MAGI2: variants seen among roughly 807,000 people sequenced by gnomAD.
The protein encoded by MAGI2 is membrane-associated guanylate kinase, WW and PDZ domain-containing protein 2.
A neutral mutation model predicts 133.3 loss-of-function variants in MAGI2; 35 were observed. The observed-to-expected ratio is 0.26, with a 90% CI of 0.20 to 0.35. The LOEUF (loss-of-function observed/expected upper bound fraction) is 0.35. MAGI2 is among the 10% of genes least tolerant of loss of function. MAGI2 has a pLI of 1.00. For missense variants in MAGI2, 1,636 were observed against 1,863.4 expected (o/e 0.88, Z 2.25); for synonymous variants, 729 against 710.6 (o/e 1.03, Z -0.41).
intron 2 of MAGI2, among the ~76,000 whole-genome samples, chr7:78,830,552 A>C (rs1327936964): frequency 6.6e-6 from 1 of 152,250 alleles, no homozygotes; most frequent in Non-Finnish European, 1.5e-5. Flanking sequence ...AACTAGAAAC[A>C]CAATTTAATT....
intron 9 of MAGI2, among the ~76,000 whole-genome samples, chr7:78,267,601 TTGTCTTGGCTTCAC>T (rs1562715611): frequency 6.6e-6 from 1 of 152,104 alleles, no homozygotes; most frequent in East Asian, 1.9e-4. Context: ...AGAACAAAAT[TTGTCTTGGCTTCAC>T]TGAAATTTTG....
intron 2 of MAGI2, among the ~76,000 whole-genome samples, chr7:78,787,709 G>A (rs1194374716): frequency 1.3e-5 from 2 of 152,098 alleles, no homozygotes; most frequent in Non-Finnish European, 2.9e-5. Flanking sequence ...CTTTGTGTAA[G>A]CATAAAAACA....
chr7:78,610,047 G>T (rs182505460), intron 3 of MAGI2, among the ~76,000 whole-genome samples: 131 of 152,274 alleles, frequency 8.6e-4, no homozygotes, highest in Non-Finnish European at 1.6e-3. Context: ...TGGATCACTA[G>T]GGGTGATGGT....
At chr7:79,294,714 T>G (rs77903894) in intron 1 of MAGI2, among the ~76,000 whole-genome samples, 7,839 of 144,002 alleles carry the variant, frequency 0.054, 450 homozygotes, top group African/African-American at 0.14. Context: ...AGATTATATT[T>G]TGGTAGCTTT....
chr7:78,538,554 A>G (rs1383105461), intron 3 of MAGI2, among the ~76,000 whole-genome samples: 1 of 152,008 alleles, frequency 6.6e-6, no homozygotes, highest in Non-Finnish European at 1.5e-5. Flanking sequence ...CCTTGGTTAG[A>G]GATATTCCTA....
chr7:78,627,371 T>C (rs1383490788), intron 2 of MAGI2, 132 bp from the exon 3 acceptor site: 5 of 790,600 alleles, frequency 6.3e-6, no homozygotes, highest in African/African-American at 3.6e-5. Context: ...TTTGCATTTG[T>C]CCTTCTGTTT....
intron 1 of MAGI2, among the ~76,000 whole-genome samples, chr7:79,036,151 A>G (rs996804929): frequency 6.6e-6 from 1 of 152,214 alleles, no homozygotes; most frequent in African/African-American, 2.4e-5. Flanking sequence ...AATTAAACTA[A>G]AGCCCACATG....
At chr7:79,374,358 G>A (rs2129136803) in intron 1 of MAGI2, among the ~76,000 whole-genome samples, 1 of 151,452 alleles carries the variant, frequency 6.6e-6, no homozygotes, top group Admixed American at 6.6e-5. Context: ...AAAAGACAAT[G>A]TGAAAATACA....
At chr7:78,061,786 G>A (rs1813299375) in intron 21 of MAGI2, among the ~76,000 whole-genome samples, 1 of 152,104 alleles carries the variant, frequency 6.6e-6, no homozygotes, top group African/African-American at 2.4e-5. Context: ...CCCCAGAGGA[G>A]CAATTGAACA....
chr7:78,936,935 C>G (rs1446942459), intron 2 of MAGI2, among the ~76,000 whole-genome samples: 1 of 151,874 alleles, frequency 6.6e-6, no homozygotes, highest in Admixed American at 6.6e-5. Context: ...TTTTCTAGCT[C>G]TATATACTGA....
At chr7:79,247,769 T>C (rs887268171) in intron 1 of MAGI2, among the ~76,000 whole-genome samples, 1 of 152,282 alleles carries the variant, frequency 6.6e-6, no homozygotes, top group South Asian at 2.1e-4. Context: ...TGTTTGTTTA[T>C]GCAATATGTG....
chr7:78,339,939 AT>A lies in MAGI2; in HGVS notation c.1408+3838del, dbSNP rs1278281931. 2.6e-5 allele frequency among the ~76,000 whole-genome samples: 4 copies of A among 152,248 alleles called. No homozygotes were observed. In the East Asian group the frequency reaches 7.7e-4, roughly 29 times the overall value. ...AAATATAAGGGCACCATAAAAAGTT[AT>A]TTATACAGAAACTATATGATAAATG... On this transcript the variant is annotated intron_variant, in intron 9 of 21. Coordinates refer to ENST00000354212, the MANE Select transcript of MAGI2 (RefSeq NM_012301.4).
rs369008912 is a variant in MAGI2, at chr7:78,949,800, C to G, written c.418+57290G>C. 3.9e-5 allele frequency among the ~76,000 whole-genome samples: 6 copies of G among 152,292 alleles called. No homozygotes were observed. The South Asian group carries it at 1.2e-3, about 32-fold the overall frequency. ...AGCCATGAAGGTGCATCTCTCACAT[C>G]TCCACCTATAGGGAGCATAATTGAA... On this transcript the variant is annotated intron_variant, in intron 2 of 21. Transcript: ENST00000354212.
intron 2 of MAGI2, among the ~76,000 whole-genome samples, chr7:78,823,455 C>T (rs1197804392): frequency 6.6e-6 from 1 of 151,714 alleles, no homozygotes; most frequent in Non-Finnish European, 1.5e-5. Context: ...TGGTGGCGGG[C>T]GCCTGTAGTC....
At chr7:79,002,115 G>C (rs767459215) in intron 2 of MAGI2, among the ~76,000 whole-genome samples, 2 of 144,490 alleles carry the variant, frequency 1.4e-5, no homozygotes, top group African/African-American at 2.5e-5. Flanking sequence ...TCATTCACAG[G>C]CTTCTTCTTC....
chr7:78,671,055 C>A (rs987187749), intron 2 of MAGI2, among the ~76,000 whole-genome samples: 1 of 152,054 alleles, frequency 6.6e-6, no homozygotes, highest in Non-Finnish European at 1.5e-5. Flanking sequence ...GTGGCCATTG[C>A]GAGAAAACAC....
At chr7:78,155,984 T>C (rs942795762) in intron 16 of MAGI2, among the ~76,000 whole-genome samples, 33 of 152,170 alleles carry the variant, frequency 2.2e-4, no homozygotes, top group African/African-American at 7.5e-4. Context: ...TCTCCATCCA[T>C]AGGGAGGGAA....
At chr7:78,020,966 T>A (rs1808337434) in intron 21 of MAGI2, among the ~76,000 whole-genome samples, 1 of 152,184 alleles carries the variant, frequency 6.6e-6, no homozygotes, top group South Asian at 2.1e-4. Context: ...TACTTAGGAT[T>A]TAAGTTACCT....
intron 7 of MAGI2, among the ~76,000 whole-genome samples, chr7:78,364,116 G>A (rs1793132769): frequency 6.6e-6 from 1 of 152,054 alleles, no homozygotes; most frequent in African/African-American, 2.4e-5. Context: ...GTGCAACTCT[G>A]CAGCCCATAC....
Sources: gnomAD v4.1 joint callset for allele counts (sites outside exome capture counted in the v4.1 genomes callset) on GRCh38, gnomAD v4.1.1 for gene constraint, MANE v1.5 for transcripts, NCBI Gene and HGNC (gene_info 2026-07-23, HGNC 2026-07-21) for gene names.